Variants in ST6GALNAC6 observed in about 807,000 individuals in gnomAD.
The protein encoded by ST6GALNAC6 is ST6 N-acetylgalactosaminide alpha-2,6-sialyltransferase 6.
ST6GALNAC6 carries 19 observed loss-of-function variants against 34.3 expected under a neutral mutation model. That is an observed-to-expected ratio of 0.55 (90% CI 0.39 to 0.81). ST6GALNAC6 has a LOEUF of 0.81. ST6GALNAC6 is among the 40% of genes least tolerant of loss of function. ST6GALNAC6 has a pLI of 0.00. For synonymous variants in ST6GALNAC6, 185 were observed against 182.1 expected, an observed-to-expected ratio of 1.02 and a Z score of -0.13; for missense variants, 377 against 467.7, an observed-to-expected ratio of 0.81 and a Z score of 1.79.
intron 1 of ST6GALNAC6, 118 bp from the exon 2 acceptor site, chr9:127,898,128 C>T: frequency 3.0e-6 from 2 of 657,792 alleles, no homozygotes; most frequent in Non-Finnish European, 5.5e-6. Flanking sequence ...GGCGCGGTGG[C>T]TCACGTCTGT....
chr9:127,899,623 G>A, upstream of ST6GALNAC6: 1 of 982,762 alleles, frequency 1.0e-6, no homozygotes, highest in South Asian at 4.7e-5. Context: ...GCGGCCCGCC[G>A]GGTCCTAGCG....
chr9:127,898,142 C>A, intron 1 of ST6GALNAC6, 132 bp from the exon 2 acceptor site: 1 of 640,198 alleles, frequency 1.6e-6, no homozygotes, highest in East Asian at 2.8e-5. Flanking sequence ...CGTCTGTAAT[C>A]CCAGCCCTTT....
At position 127,886,762 on chromosome 9, in the gene ST6GALNAC6, G is replaced by A; in HGVS notation, c.839C>T (p.Pro280Leu). ...CSQRPRLQRMPYHYYEPKGPD... is the reference protein window; with the variant it reads ...CSQRPRLQRMLYHYYEPKGPD... The stretch of plus-strand genomic sequence containing the variant: ...CCCCTTGGGCTCGTAGTAGTGGTAG[G>A]GCATGCGCTGGAGGCGGGGCCGCTG... The change falls in exon 7 of 7, where the codon CCC becomes CTC. Residue 280 changes from proline to leucine, a missense_variant. By Grantham distance (98) the Pro-to-Leu change is moderately conservative. Transcript: ENST00000373146. The A allele has an allele frequency of 6.2e-7, 1 of 1,611,242 alleles. No individual in the cohort carries two copies. The highest frequency in any genetic ancestry group is 8.5e-7 in the Non-Finnish European group (1 of 1,178,172).
upstream of ST6GALNAC6, chr9:127,906,029 C>G: frequency 8.1e-6 from 8 of 985,630 alleles, no homozygotes; most frequent in Non-Finnish European, 9.6e-6. Context: ...CTCCTCCCCC[C>G]TCCCATTCCT....
upstream of ST6GALNAC6, chr9:127,899,669 GCGGAGCCT>G: frequency 1.0e-6 from 1 of 984,136 alleles, no homozygotes; most frequent in Non-Finnish European, 1.2e-6. Flanking sequence ...TGGGAGGTGG[GCGGAGCCT>G]CGGGGCCGCG....
intron 4 of ST6GALNAC6, among the ~76,000 whole-genome samples, chr9:127,893,193 A>G (rs551911132): frequency 7.2e-5 from 11 of 152,324 alleles, no homozygotes; most frequent in African/African-American, 2.2e-4. Context: ...CCAATGTGGA[A>G]ATAAAGGTGG....
intron 6 of ST6GALNAC6, among the ~76,000 whole-genome samples, chr9:127,887,238 T>A (rs1829828467): frequency 1.3e-5 from 2 of 152,104 alleles, no homozygotes; most frequent in African/African-American, 4.8e-5. Context: ...AGTATAGCTG[T>A]CCCCTAGTGG....
At chr9:127,895,460 C>T (rs945108764) in intron 3 of ST6GALNAC6, among the ~76,000 whole-genome samples, 1 of 152,200 alleles carries the variant, frequency 6.6e-6, no homozygotes, top group African/African-American at 2.4e-5. Context: ...TGGAGGCTGG[C>T]GGCTTCCCCT....
upstream of ST6GALNAC6, among the ~76,000 whole-genome samples, chr9:127,901,769 T>TA (rs1830768340): frequency 6.6e-6 from 1 of 151,918 alleles, no homozygotes; most frequent in African/African-American, 2.4e-5. Flanking sequence ...CAGTCTCTAC[T>TA]AAAAAAATAC....
intron 2 of ST6GALNAC6, chr9:127,896,817 G>C (rs4385568): frequency 1.0e-6 from 1 of 972,986 alleles, no homozygotes; most frequent in Non-Finnish European, 1.2e-6. Flanking sequence ...GCATGGACCA[G>C]GAACTCCCCT....
chr9:127,891,756 CA>C (rs957486213), intron 4 of ST6GALNAC6, among the ~76,000 whole-genome samples: 4 of 96,984 alleles, frequency 4.1e-5, no homozygotes, highest in Admixed American at 1.4e-4. Context: ...GGGAAGAAGA[CA>C]GGGGGAGGGG....
At chr9:127,901,540 G>A (rs1358473869), upstream of ST6GALNAC6, among the ~76,000 whole-genome samples, 3 of 152,090 alleles carry the variant, frequency 2.0e-5, no homozygotes, top group East Asian at 1.9e-4. Flanking sequence ...CCTGAGAGGC[G>A]GGAGGCAGAG....
chr9:127,897,392 G>A (rs2131566039), intron 2 of ST6GALNAC6: 10 of 986,130 alleles, frequency 1.0e-5, no homozygotes, highest in Non-Finnish European at 1.2e-5. Flanking sequence ...ACTCCTACAC[G>A]GCCACCAGGA....
chr9:127,892,756 C>T (rs1023251809), intron 4 of ST6GALNAC6, among the ~76,000 whole-genome samples: 2 of 152,144 alleles, frequency 1.3e-5, no homozygotes, highest in Non-Finnish European at 2.9e-5. Flanking sequence ...ACCTGAGTGT[C>T]TGAGATATTT....
intron 4 of ST6GALNAC6, among the ~76,000 whole-genome samples, chr9:127,892,616 C>A (rs558364242): frequency 6.6e-6 from 1 of 152,328 alleles, no homozygotes; most frequent in South Asian, 2.1e-4. Context: ...CAGTCATTAT[C>A]TCTTAGCTTG....
intron 4 of ST6GALNAC6, among the ~76,000 whole-genome samples, chr9:127,893,982 C>A (rs4836588): frequency 6.6e-6 from 1 of 152,208 alleles, no homozygotes; most frequent in Non-Finnish European, 1.5e-5. Flanking sequence ...ATCTTAGCAG[C>A]GGGTAGGAAA....
At chr9:127,901,606 C>A (rs1449891335), upstream of ST6GALNAC6, among the ~76,000 whole-genome samples, 1 of 149,192 alleles carries the variant, frequency 6.7e-6, no homozygotes, top group East Asian at 2.0e-4. Flanking sequence ...CAGAGAGAGA[C>A]TCCGTCTCAA....
At chr9:127,903,448 T>C (rs1203270471), upstream of ST6GALNAC6, 5 of 152,228 alleles carry the variant, frequency 3.3e-5, no homozygotes, top group African/African-American at 1.2e-4. Context: ...CACTTTTCCC[T>C]TTATAAACTT....
chr9:127,897,080 AG>A (rs1419585268), intron 2 of ST6GALNAC6: 3 of 870,092 alleles, frequency 3.4e-6, no homozygotes, highest in African/African-American at 3.6e-5. Flanking sequence ...TCACAGTCTC[AG>A]GGGGTGGCTG....
Sources: gnomAD v4.1 joint callset for allele counts (sites outside exome capture counted in the v4.1 genomes callset) on GRCh38, gnomAD v4.1.1 for gene constraint, MANE v1.5 for transcripts, NCBI Gene and HGNC (gene_info 2026-07-23, HGNC 2026-07-21) for gene names.